SYNCRIP: variants seen among roughly 807,000 people sequenced by gnomAD.
The protein encoded by SYNCRIP is synaptotagmin binding cytoplasmic RNA interacting protein, also known as heterogeneous nuclear ribonucleoprotein Q.
In SYNCRIP, 9 loss-of-function variants were observed where a neutral mutation model predicts 68.9. The observed-to-expected ratio is 0.13, with a 90% confidence interval of 0.08 to 0.23. SYNCRIP has a LOEUF of 0.23. Ranked by LOEUF, SYNCRIP falls within the 10% of genes least tolerant of loss-of-function variation. SYNCRIP has a pLI of 1.00. For synonymous variants in SYNCRIP, 258 were observed against 254.0 expected, an observed-to-expected ratio of 1.02 and a Z score of -0.15; for missense variants, 414 against 770.6, an observed-to-expected ratio of 0.54 and a Z score of 5.48.
chr6:85,622,388 A>T, intron 8 of SYNCRIP, 94 bp downstream of exon 8: 1 of 1,211,756 alleles, frequency 8.3e-7, no homozygotes, highest in South Asian at 1.3e-5. Context: ...AAAATAAAAA[A>T]ATGTATACTG....
chr6:85,638,071 C>T (rs1418582953), intron 4 of SYNCRIP, among the ~76,000 whole-genome samples: 1 of 152,068 alleles, frequency 6.6e-6, no homozygotes, highest in Non-Finnish European at 1.5e-5. Flanking sequence ...TTATTCTAGG[C>T]AAAGTATAGA....
chr6:85,610,596 C>A (rs200342814), downstream of SYNCRIP: 4 of 152,122 alleles, frequency 2.6e-5, no homozygotes, highest in African/African-American at 9.6e-5. Flanking sequence ...AGTAAACAAA[C>A]CTGTCCTAAA....
rs1806601024 is a variant in SYNCRIP, at chr6:85,623,049, AT to A, written c.803-363del. 2.6e-5 allele frequency among the ~76,000 whole-genome samples: 4 copies of A among 152,318 alleles called. No homozygotes were observed. In the South Asian group the frequency reaches 8.3e-4, roughly 32 times the overall value. ...TTCTTATTATGCAAACACTAAAATT[AT>A]TTTTAATGGCACTTTTCTGGCCTTA... On this transcript the variant is annotated intron_variant, in intron 7 of 10. Coordinates refer to ENST00000369622, the MANE Select transcript of SYNCRIP (RefSeq NM_006372.5).
chr6:85,640,759 T>TA (rs1270364674), intron 2 of SYNCRIP, among the ~76,000 whole-genome samples, 195 bp from the exon 3 acceptor site: 5 of 152,022 alleles, frequency 3.3e-5, no homozygotes, highest in African/African-American at 7.2e-5. Flanking sequence ...CAACCACACT[T>TA]ACAATAATCA....
upstream of SYNCRIP, chr6:85,642,906 G>A (rs1809383896): frequency 6.6e-6 from 1 of 152,564 alleles, no homozygotes; most frequent in Non-Finnish European, 1.5e-5. Flanking sequence ...GTAAAATGGC[G>A]GCCGAAGCTC....
Position 85,618,824 on chromosome 6 carries a change from T to C in SYNCRIP, c.1274A>G (p.Asn425Ser), listed in dbSNP as rs1280348308. Residue 425 changes from asparagine (N) to serine (S), a missense_variant, in exon 10 of 11, where the codon AAT (asparagine) becomes AGT (serine). Asn to Ser is a conservative substitution (Grantham distance 46). This residue lies in a region of SYNCRIP where 72 missense variants were observed against 119.8 expected (regional missense o/e 0.60). Transcript: ENST00000369622. The part of the protein sequence containing the change: ...ERKAQRQAAK[N>S]QMYDDYYYYG... ...GTATACAAATTTCACTCACATTTGA[T>C]TTTTTGCTGCTTGCCTCTGAGCTTT... is the stretch of plus-strand genomic sequence containing the variant. The C allele has an allele frequency of 1.2e-6, 2 of 1,603,362 alleles. No homozygotes were observed. The highest frequency in any genetic ancestry group is 1.1e-5 in the South Asian group (1 of 88,984).
intron 6 of SYNCRIP, among the ~76,000 whole-genome samples, chr6:85,628,937 C>T (rs148288167): frequency 1.7e-4 from 26 of 152,304 alleles, no homozygotes; most frequent in Middle Eastern, 6.8e-3. Context: ...CAGCATACCA[C>T]TATGGCCTTT....
At chr6:85,613,349 T>C (rs988281692), downstream of SYNCRIP, among the ~76,000 whole-genome samples, 8 of 152,208 alleles carry the variant, frequency 5.3e-5, no homozygotes, top group African/African-American at 1.9e-4. Context: ...TGAAATTTAG[T>C]GACATTTTTA....
chr6:85,634,189 A>T (rs1469087688), intron 6 of SYNCRIP, among the ~76,000 whole-genome samples: 1 of 152,242 alleles, frequency 6.6e-6, no homozygotes, highest in Non-Finnish European at 1.5e-5. Flanking sequence ...CGTATTTATT[A>T]AACAAGGCAA....
In SYNCRIP at chr6:85,614,902, T is replaced by A. The variant is rs1212604784; in HGVS notation, c.1726A>T (p.Lys576Ter). 1 of 1,614,198 alleles carries A rather than the reference T, an allele frequency of 6.2e-7. No homozygotes were observed. The highest frequency in any genetic ancestry group is 8.5e-7 in the Non-Finnish European group (1 of 1,180,032). ...KADGYNQPDS[K>*]RRQTNNQNWG... ...TTCTGATTATTGGTCTGGCGCCGCT[T>A]GGAATCTGGCTGGTTGTACCCATCA... Residue 576 changes from lysine (K) to a stop codon, truncating the protein, a stop_gained, in exon 11 of 11, where the codon AAG becomes TAG. Coordinates refer to ENST00000369622, the MANE Select transcript of SYNCRIP (RefSeq NM_006372.5). LOFTEE classifies it high-confidence loss of function.
At chr6:85,628,913 T>C (rs1277461421) in intron 6 of SYNCRIP, among the ~76,000 whole-genome samples, 1 of 152,208 alleles carries the variant, frequency 6.6e-6, no homozygotes, top group Non-Finnish European at 1.5e-5. Flanking sequence ...TGATAAAAAC[T>C]AGAATACAAC....
chr6:85,624,242 T>G (rs1157460998), intron 6 of SYNCRIP, 130 bp from the exon 7 acceptor site: 2 of 831,816 alleles, frequency 2.4e-6, no homozygotes, highest in Non-Finnish European at 3.7e-6. Flanking sequence ...AAGGGAATTA[T>G]GAGGAACAGA....
At chr6:85,613,265 C>A (rs1464342983), downstream of SYNCRIP, among the ~76,000 whole-genome samples, 1 of 151,688 alleles carries the variant, frequency 6.6e-6, no homozygotes, top group African/African-American at 2.4e-5. Context: ...GCAAGTAATT[C>A]CCATTTTTGA....
At chr6:85,612,972 T>C, downstream of SYNCRIP, 1 of 1,540,840 alleles carries the variant, frequency 6.5e-7, no homozygotes. Context: ...CTTAAATTAA[T>C]AATGTGTACA....
At chr6:85,623,505 A>G (rs998769498) in intron 7 of SYNCRIP, among the ~76,000 whole-genome samples, 2 of 139,042 alleles carry the variant, frequency 1.4e-5, no homozygotes, top group East Asian at 4.7e-4. Flanking sequence ...CAGAGGCTGC[A>G]GGGAGCCAAG....
In SYNCRIP at chr6:85,618,892, T is replaced by C; in HGVS notation, c.1206A>G (p.Glu402=). ...NGKDLEGENI[E]IVFAKPPDQK... The stretch of plus-strand genomic sequence containing the variant: ...GATCTGGTGGCTTGGCAAAAACAAT[T>C]TCAATATTTTCTCCCTCCAAGTCTT... The change falls in exon 10 of 11, where the codon GAA becomes GAG. Residue 402 remains glutamate, a synonymous_variant. Transcript: ENST00000369622. The C allele has an allele frequency of 6.2e-7, 1 of 1,613,274 alleles. No individual in the cohort carries two copies. Among genetic ancestry groups the C allele is most frequent in the Non-Finnish European group, 8.5e-7 (1 of 1,179,544 alleles).
chr6:85,627,959 A>T (rs1807250380), intron 6 of SYNCRIP, among the ~76,000 whole-genome samples: 1 of 152,208 alleles, frequency 6.6e-6, no homozygotes, highest in Admixed American at 6.5e-5. Context: ...CCAGAAATTC[A>T]GCAATGTCAA....
intron 8 of SYNCRIP, among the ~76,000 whole-genome samples, chr6:85,621,652 T>C (rs966566977): frequency 2.7e-5 from 4 of 150,488 alleles, no homozygotes; most frequent in African/African-American, 7.3e-5. Flanking sequence ...AACAAATAAC[T>C]GCAAATTACT....
intron 6 of SYNCRIP, among the ~76,000 whole-genome samples, chr6:85,627,567 GA>G (rs1472305851): frequency 6.6e-6 from 1 of 152,034 alleles, no homozygotes; most frequent in Non-Finnish European, 1.5e-5. Flanking sequence ...GGGTAACAGT[GA>G]GTTATATGGT....
Sources: gnomAD v4.1 joint callset for allele counts (sites outside exome capture counted in the v4.1 genomes callset) on GRCh38, gnomAD v4.1.1 for gene constraint, gnomAD v4.1.1 regional missense constraint, MANE v1.5 for transcripts, NCBI Gene and HGNC (gene_info 2026-07-23, HGNC 2026-07-21) for gene names.